GRM8: variants seen among roughly 807,000 people sequenced by gnomAD.
GRM8 encodes the protein metabotropic glutamate receptor 8.
Under a neutral mutation model 87.2 loss-of-function variants are expected in GRM8, and 47 were observed. The ratio of observed to expected loss-of-function variants is 0.54; its 90% CI spans 0.43 to 0.69. The LOEUF is 0.69. Among genes scored for constraint, GRM8 ranks in the 30% least tolerant of loss-of-function variants. The probability of loss-of-function intolerance (pLI) is 0.00; values close to 1 mark genes in which losing one functional copy is unlikely to be tolerated. For missense variants in GRM8, 1,019 were observed against 1,139.2 expected (o/e 0.89, Z 1.52); for synonymous variants, 396 against 404.5 (o/e 0.98, Z 0.25).
chr7:126,613,585 C>T (rs1799144097), intron 7 of GRM8, among the ~76,000 whole-genome samples: 1 of 152,216 alleles, frequency 6.6e-6, no homozygotes, highest in Non-Finnish European at 1.5e-5. Flanking sequence ...GAGGCATCGC[C>T]TCACCCGGAA....
chr7:126,713,018 T>A (rs1811284478), intron 7 of GRM8, among the ~76,000 whole-genome samples: 1 of 152,140 alleles, frequency 6.6e-6, no homozygotes, highest in African/African-American at 2.4e-5. Context: ...TTAATTCAAC[T>A]ATTGTGGAAG....
intron 2 of GRM8, among the ~76,000 whole-genome samples, chr7:127,112,615 A>G (rs1826441600): frequency 6.6e-6 from 1 of 152,188 alleles, no homozygotes; most frequent in South Asian, 2.1e-4. Context: ...AACACCACCC[A>G]TTTCCAATAT....
intron 2 of GRM8, among the ~76,000 whole-genome samples, chr7:127,236,373 C>T (rs181589181): frequency 2.0e-5 from 3 of 152,244 alleles, no homozygotes; most frequent in South Asian, 2.1e-4. Flanking sequence ...AATTTATAAA[C>T]GAAAGAGGTT....
intron 3 of GRM8, among the ~76,000 whole-genome samples, chr7:127,008,705 A>G (rs1429504571): frequency 6.6e-6 from 1 of 152,036 alleles, no homozygotes; most frequent in African/African-American, 2.4e-5. Flanking sequence ...ACAATATTCA[A>G]AAGTTCCATG....
At chr7:126,710,421 C>T (rs1297988097) in intron 7 of GRM8, among the ~76,000 whole-genome samples, 2 of 152,212 alleles carry the variant, frequency 1.3e-5, no homozygotes, top group African/African-American at 4.8e-5. Flanking sequence ...TCAAGCCCTG[C>T]TGCTGCCTTA....
In GRM8 at chr7:126,439,019, T is replaced by C. The variant is rs532056137; in HGVS notation, c.*100A>G. ...CAAGACTGACTATTGATTTGATTGA[T>C]TGTAGTCTACGGAGATCTCCAGGAG... On this transcript the variant is annotated 3_prime_UTR_variant, in exon 11 of 11. Coordinates refer to ENST00000339582, the MANE Select transcript of GRM8 (RefSeq NM_000845.3). 84 of 775,098 alleles carry C rather than the reference T, an allele frequency of 1.1e-4. 2 individuals are homozygous for C. The highest frequency in any genetic ancestry group is 9.4e-4 in the South Asian group (67 of 71,008). The allele number at this position is 775,098 out of a possible 1,614,324, so 48.0% of individuals were successfully genotyped here. A position where few individuals can be genotyped will look rare whatever the true frequency, so the allele number is the denominator to read the frequency against.
chr7:126,561,356 A>T (rs190334395), intron 8 of GRM8, among the ~76,000 whole-genome samples: 1 of 152,126 alleles, frequency 6.6e-6, no homozygotes, highest in East Asian at 1.9e-4. Flanking sequence ...CTGTGGTCCT[A>T]GCTACTTAGG....
chr7:126,876,067 T>A (rs151174629), intron 6 of GRM8, among the ~76,000 whole-genome samples: 134 of 152,332 alleles, frequency 8.8e-4, no homozygotes, highest in Middle Eastern at 6.8e-3. Context: ...TTGAATATCC[T>A]ACTCAAACTT....
chr7:127,172,569 G>A (rs1418648459), intron 2 of GRM8, among the ~76,000 whole-genome samples: 2 of 151,956 alleles, frequency 1.3e-5, no homozygotes, highest in African/African-American at 4.8e-5. Context: ...TTAGCCAGGT[G>A]TGGTGGCACA....
At chr7:127,026,878 C>A (rs1816836929) in intron 3 of GRM8, among the ~76,000 whole-genome samples, 1 of 152,112 alleles carries the variant, frequency 6.6e-6, no homozygotes, top group Non-Finnish European at 1.5e-5. Context: ...GTCATCATTG[C>A]TTTTGGTGTT....
chr7:126,970,873 T>C (rs1027584947), intron 3 of GRM8, among the ~76,000 whole-genome samples: 1 of 152,032 alleles, frequency 6.6e-6, no homozygotes, highest in African/African-American at 2.4e-5. Flanking sequence ...TATTGTTGTG[T>C]CTCAGGGCAT....
At chr7:126,526,714 T>C (rs1178590140) in intron 9 of GRM8, among the ~76,000 whole-genome samples, 1 of 152,158 alleles carries the variant, frequency 6.6e-6, no homozygotes, top group Non-Finnish European at 1.5e-5. Flanking sequence ...TTCTGCAGGA[T>C]TAATATGTAG....
chr7:127,085,672 CTTGT>C (rs1823395805), intron 3 of GRM8, among the ~76,000 whole-genome samples: 1 of 152,012 alleles, frequency 6.6e-6, no homozygotes. Context: ...TTCTTGTAAA[CTTGT>C]TTAAGTTCTT....
intron 8 of GRM8, among the ~76,000 whole-genome samples, chr7:126,539,336 T>C (rs1472350812): frequency 6.6e-6 from 1 of 151,996 alleles, no homozygotes; most frequent in African/African-American, 2.4e-5. Context: ...AATCAGATGA[T>C]TTACTATTGC....
chr7:126,510,587 A>G (rs1280855838), intron 9 of GRM8, among the ~76,000 whole-genome samples: 1 of 13,074 alleles, frequency 7.6e-5, no homozygotes, highest in Non-Finnish European at 1.6e-4. Context: ...CATGGTGGCT[A>G]CCCTCAAATA....
At chr7:126,920,253 A>G (rs1234590606) in intron 3 of GRM8, among the ~76,000 whole-genome samples, 2 of 152,178 alleles carry the variant, frequency 1.3e-5, no homozygotes, top group Non-Finnish European at 2.9e-5. Context: ...CAGACTTTCC[A>G]GCCTCCAGAA....
At position 127,106,675 on chromosome 7, in the gene GRM8, A is replaced by T; in HGVS notation, c.548T>A (p.Leu183Gln). Reference sequence around the variant, plus strand: ...AAAGTCATACCTGGTGTTATCACTTAGCTCTGGGGCTGTGGATGCATAGCT... The same window carrying T: ...AAAGTCATACCTGGTGTTATCACTTTGCTCTGGGGCTGTGGATGCATAGCT... Reference protein sequence around the residue: ...QISYASTAPELSDNTRYDFFS... With the variant: ...QISYASTAPEQSDNTRYDFFS... The change falls in exon 3 of 11, where the codon CTA (leucine) becomes CAA (glutamine). Residue 183 changes from leucine to glutamine, a missense_variant. Coordinates refer to ENST00000339582, the MANE Select transcript of GRM8 (RefSeq NM_000845.3). The T allele has an allele frequency of 1.2e-6, 2 of 1,613,914 alleles. No individual in the cohort carries two copies. The highest frequency in any genetic ancestry group is 1.7e-6 in the Non-Finnish European group (2 of 1,179,796).
chr7:127,221,133 C>T (rs536748866), intron 2 of GRM8, among the ~76,000 whole-genome samples: 1 of 152,218 alleles, frequency 6.6e-6, no homozygotes, highest in Admixed American at 6.5e-5. Context: ...CTTACTAAAT[C>T]AAGTGTTCTC....
intron 3 of GRM8, among the ~76,000 whole-genome samples, chr7:127,006,593 A>G (rs1814332401): frequency 6.6e-6 from 1 of 152,008 alleles, no homozygotes; most frequent in South Asian, 2.1e-4. Flanking sequence ...GTCTCTCAAG[A>G]GTATTAACTT....
Sources: allele counts gnomAD v4.1 joint callset (sites outside exome capture counted in the v4.1 genomes callset), GRCh38; gene constraint gnomAD v4.1.1; transcripts MANE v1.5; gene names NCBI Gene and HGNC (gene_info 2026-07-23, HGNC 2026-07-21).